GABRB1: variants seen among roughly 807,000 people sequenced by gnomAD.
GABRB1 encodes the protein gamma-aminobutyric acid receptor subunit beta-1.
In GABRB1, 17 loss-of-function variants were observed where a neutral mutation model predicts 51.6. The observed-to-expected ratio is 0.33, with a 90% CI of 0.23 to 0.49. The LOEUF (loss-of-function observed/expected upper bound fraction) is 0.49. GABRB1 is among the 20% of genes least tolerant of loss of function. The pLI is 0.99. For missense variants in GABRB1, 410 were observed against 600.6 expected (o/e 0.68, Z 3.32); for synonymous variants, 247 against 218.9 (o/e 1.13, Z -1.14).
intron 4 of GABRB1, among the ~76,000 whole-genome samples, chr4:47,287,252 T>A (rs1246696179): frequency 6.6e-6 from 1 of 152,260 alleles, no homozygotes; most frequent in African/African-American, 2.4e-5. Flanking sequence ...CCTTTGGTTC[T>A]GTGTTTTAAT....
rs928038913 is a variant in GABRB1 at position 47,138,817 on chromosome 4, T to C, written c.241-22432T>C. On this transcript the variant is annotated intron_variant, in intron 3 of 8. Coordinates refer to ENST00000295454, the MANE Select transcript of GABRB1 (RefSeq NM_000812.4). ...AGATAATCCTGAAATGCGAGACTTC[T>C]CTTGGCCCTCCCAGTTATTAGAGTG... 3.3e-5 allele frequency among the ~76,000 whole-genome samples: 5 copies of C among 152,218 alleles called. No individual in the cohort carries two copies. In the South Asian group the frequency reaches 8.3e-4, roughly 25 times the overall value.
At chr4:47,086,294 T>C (rs1339069388) in intron 3 of GABRB1, among the ~76,000 whole-genome samples, 6 of 152,196 alleles carry the variant, frequency 3.9e-5, no homozygotes, top group Non-Finnish European at 8.8e-5. Flanking sequence ...TAGTTAACGG[T>C]TCTCTTGTAT....
At chr4:47,053,001 GA>G (rs1200123491) in intron 3 of GABRB1, among the ~76,000 whole-genome samples, 1 of 152,196 alleles carries the variant, frequency 6.6e-6, no homozygotes, top group African/African-American at 2.4e-5. Flanking sequence ...CTGAGACACT[GA>G]GATGAATATT....
intron 4 of GABRB1, among the ~76,000 whole-genome samples, chr4:47,306,235 AAAAT>A (rs1331736247): frequency 1.3e-5 from 2 of 148,638 alleles, no homozygotes; most frequent in Non-Finnish European, 1.5e-5. Flanking sequence ...AAAATAAAAT[AAAAT>A]AAATAACACA....
At chr4:47,278,642 G>A (rs1197739179) in intron 4 of GABRB1, among the ~76,000 whole-genome samples, 1 of 152,062 alleles carries the variant, frequency 6.6e-6, no homozygotes, top group Non-Finnish European at 1.5e-5. Context: ...GGCCCTCAAT[G>A]TCAATTACCA....
chr4:46,999,842 A>G (rs1328874302), intron 1 of GABRB1, among the ~76,000 whole-genome samples: 1 of 152,236 alleles, frequency 6.6e-6, no homozygotes, highest in Non-Finnish European at 1.5e-5. Context: ...TGCATGTTTC[A>G]TACTAACTCC....
intron 4 of GABRB1, among the ~76,000 whole-genome samples, chr4:47,315,128 C>G (rs1161671452): frequency 6.6e-6 from 1 of 151,902 alleles, no homozygotes; most frequent in Non-Finnish European, 1.5e-5. Context: ...AAAAATTTTG[C>G]AAACTACACA....
intron 3 of GABRB1, among the ~76,000 whole-genome samples, chr4:47,040,222 C>T (rs529871025): frequency 8.5e-5 from 13 of 152,244 alleles, no homozygotes; most frequent in African/African-American, 9.6e-5. Context: ...AAATGCAGAA[C>T]ATCTGACAAA....
At chr4:47,087,338 T>A (rs1374452353) in intron 3 of GABRB1, among the ~76,000 whole-genome samples, 1 of 152,164 alleles carries the variant, frequency 6.6e-6, no homozygotes, top group Non-Finnish European at 1.5e-5. Context: ...TGATTACATA[T>A]AACATTGTAT....
chr4:46,997,396 T>G (rs1724032246), intron 1 of GABRB1, among the ~76,000 whole-genome samples: 1 of 150,606 alleles, frequency 6.6e-6, no homozygotes, highest in African/African-American at 2.4e-5. Flanking sequence ...ATGTTGTACA[T>G]TAGATCTTAT....
chr4:47,237,312 A>C (rs1415771565), intron 4 of GABRB1, among the ~76,000 whole-genome samples: 1 of 152,188 alleles, frequency 6.6e-6, no homozygotes, highest in African/African-American at 2.4e-5. Context: ...CATACTTTGC[A>C]CCAGGGACTA....
chr4:47,205,758 C>T (rs1005037308), intron 4 of GABRB1, among the ~76,000 whole-genome samples: 3 of 152,028 alleles, frequency 2.0e-5, no homozygotes, highest in Admixed American at 2.0e-4. Flanking sequence ...TCTGCACTTA[C>T]TGAGTCAGGA....
chr4:47,042,038 AG>A (rs758181537), intron 3 of GABRB1, among the ~76,000 whole-genome samples: 3 of 152,010 alleles, frequency 2.0e-5, no homozygotes, highest in Admixed American at 6.6e-5. Flanking sequence ...ATACATATAA[AG>A]GTCTTCCTAA....
At chr4:47,116,371 GCC>G (rs1335022241) in intron 3 of GABRB1, among the ~76,000 whole-genome samples, 1 of 152,126 alleles carries the variant, frequency 6.6e-6, no homozygotes, top group Non-Finnish European at 1.5e-5. Flanking sequence ...CAAAGTAGTT[GCC>G]ACAGATATCT....
At chr4:47,131,747 C>T (rs767615833) in intron 3 of GABRB1, among the ~76,000 whole-genome samples, 4 of 152,154 alleles carry the variant, frequency 2.6e-5, no homozygotes, top group Non-Finnish European at 5.9e-5. Flanking sequence ...TTCTATTCTG[C>T]TACCAATTCT....
At chr4:47,162,696 C>A (rs368517205) in intron 4 of GABRB1, among the ~76,000 whole-genome samples, 1 of 151,976 alleles carries the variant, frequency 6.6e-6, no homozygotes, top group Non-Finnish European at 1.5e-5. Context: ...GACTAAAATC[C>A]GTGTATCCTG....
chr4:47,144,222 A>G (rs1717057732), intron 3 of GABRB1, among the ~76,000 whole-genome samples: 1 of 152,018 alleles, frequency 6.6e-6, no homozygotes, highest in African/African-American at 2.4e-5. Flanking sequence ...CAAAAGAACA[A>G]CTTTAGGAGG....
intron 4 of GABRB1, among the ~76,000 whole-genome samples, chr4:47,262,398 C>T (rs1485802590): frequency 6.6e-6 from 1 of 152,172 alleles, no homozygotes; most frequent in Non-Finnish European, 1.5e-5. Context: ...TGAACAGACA[C>T]TTCTCAAAAG....
intron 5 of GABRB1, among the ~76,000 whole-genome samples, chr4:47,375,385 A>G (rs1384406398): frequency 1.3e-5 from 2 of 152,222 alleles, no homozygotes; most frequent in Admixed American, 1.3e-4. Flanking sequence ...GACAGAAAAC[A>G]GGGAAATTTG....
Sources: gnomAD v4.1 joint callset for allele counts (sites outside exome capture counted in the v4.1 genomes callset) on GRCh38, gnomAD v4.1.1 for gene constraint, MANE v1.5 for transcripts, NCBI Gene and HGNC (gene_info 2026-07-23, HGNC 2026-07-21) for gene names.